Variants in GALNT17 observed in about 807,000 individuals in gnomAD.
GALNT17 encodes the protein UDP-GalNAc:polypeptide N-acetylgalactosaminyltransferase-like 3.
In GALNT17, 29 loss-of-function variants were observed where a neutral mutation model predicts 63.7. The ratio of observed to expected loss-of-function variants is 0.46; its 90% CI spans 0.34 to 0.62. The LOEUF (loss-of-function observed/expected upper bound fraction) is 0.62. Ranked by LOEUF, GALNT17 falls within the 20% of genes least tolerant of loss-of-function variation. The pLI, the probability that GALNT17 is intolerant of heterozygous loss-of-function variation, is 0.01. For missense variants in GALNT17, 603 were observed against 799.6 expected, an observed-to-expected ratio of 0.75 and a Z score of 2.97; for synonymous variants, 305 against 318.3, an observed-to-expected ratio of 0.96 and a Z score of 0.45.
chr7:71,704,783 C>A (rs1298445401), intron 9 of GALNT17, among the ~76,000 whole-genome samples: 1 of 152,068 alleles, frequency 6.6e-6, no homozygotes, highest in African/African-American at 2.4e-5. Flanking sequence ...ATAGTCTTTT[C>A]AGCAATGGTG....
chr7:71,691,874 TCTTTCCTTC>T (rs1791448469), intron 9 of GALNT17, among the ~76,000 whole-genome samples: 1 of 46,764 alleles, frequency 2.1e-5, no homozygotes. Context: ...TTCTTTCCTT[TCTTTCCTTC>T]CTTTCTTCCT....
chr7:71,423,400 T>C (rs1220669331), intron 5 of GALNT17, among the ~76,000 whole-genome samples: 2 of 152,290 alleles, frequency 1.3e-5, no homozygotes, highest in East Asian at 3.9e-4. Flanking sequence ...TATAGTTCAG[T>C]ACTTTATGTG....
chr7:71,168,816 G>C (rs1339272984), intron 1 of GALNT17, among the ~76,000 whole-genome samples: 1 of 151,854 alleles, frequency 6.6e-6, no homozygotes, highest in East Asian at 1.9e-4. Flanking sequence ...TGTTTTGATT[G>C]CTTTAGGTCC....
intron 5 of GALNT17, among the ~76,000 whole-genome samples, chr7:71,456,474 G>A (rs1787358587): frequency 1.3e-5 from 2 of 152,056 alleles, no homozygotes; most frequent in African/African-American, 4.8e-5. Flanking sequence ...CGAGGCGGGT[G>A]GGAGGCCTAG....
At chr7:71,223,150 G>A (rs1443872391) in intron 1 of GALNT17, among the ~76,000 whole-genome samples, 1 of 152,068 alleles carries the variant, frequency 6.6e-6, no homozygotes, top group Non-Finnish European at 1.5e-5. Context: ...TTCTTCTTAT[G>A]TAATTAATAT....
chr7:71,635,208 A>AG (rs1329962256), intron 6 of GALNT17, among the ~76,000 whole-genome samples: 8 of 149,300 alleles, frequency 5.4e-5, no homozygotes, highest in Admixed American at 5.3e-4. Context: ...CTCCGTCTCA[A>AG]AAAAAAAAAA....
intron 6 of GALNT17, among the ~76,000 whole-genome samples, chr7:71,587,482 C>T (rs1430924238): frequency 1.3e-5 from 2 of 151,986 alleles, no homozygotes; most frequent in Non-Finnish European, 2.9e-5. Context: ...TTGTTGATTT[C>T]CAGGGGTCTG....
intron 5 of GALNT17, among the ~76,000 whole-genome samples, chr7:71,458,583 C>T (rs530519945): frequency 1.2e-4 from 18 of 152,288 alleles, no homozygotes; most frequent in South Asian, 2.1e-4. Flanking sequence ...TGGGTTCTTG[C>T]CTGGTGTCCA....
intron 3 of GALNT17, among the ~76,000 whole-genome samples, chr7:71,412,690 C>T (rs557652948): frequency 6.6e-6 from 1 of 152,336 alleles, no homozygotes; most frequent in Non-Finnish European, 1.5e-5. Context: ...CCCCCTCAAC[C>T]TGTCCTCAGA....
At chr7:71,140,823 A>T (rs1787874651) in intron 1 of GALNT17, among the ~76,000 whole-genome samples, 1 of 148,912 alleles carries the variant, frequency 6.7e-6, no homozygotes, top group Non-Finnish European at 1.5e-5. Flanking sequence ...GGAGTTTGAG[A>T]CTAGCTTGGG....
chr7:71,313,394 G>T (rs1352996647), intron 1 of GALNT17, among the ~76,000 whole-genome samples: 1 of 152,116 alleles, frequency 6.6e-6, no homozygotes, highest in Non-Finnish European at 1.5e-5. Context: ...CTGAGTGTTG[G>T]CAATGACACT....
chr7:71,241,056 A>G (rs773389117), intron 1 of GALNT17, among the ~76,000 whole-genome samples: 3 of 152,058 alleles, frequency 2.0e-5, no homozygotes, highest in African/African-American at 7.3e-5. Flanking sequence ...GGGATCAGAT[A>G]GTTCTGTTGC....
At chr7:71,680,817 C>T (rs1208583290) in intron 9 of GALNT17, among the ~76,000 whole-genome samples, 1 of 145,514 alleles carries the variant, frequency 6.9e-6, no homozygotes, top group Non-Finnish European at 1.5e-5. Context: ...TTCTTCCTTC[C>T]TTCCTTCCCC....
chr7:71,168,301 C>T (rs1319159676), intron 1 of GALNT17, among the ~76,000 whole-genome samples: 2 of 152,054 alleles, frequency 1.3e-5, no homozygotes, highest in Non-Finnish European at 2.9e-5. Flanking sequence ...GGGCCGGGCG[C>T]GGTGGCTCAT....
intron 6 of GALNT17, among the ~76,000 whole-genome samples, chr7:71,609,726 T>C (rs993037775): frequency 1.3e-5 from 2 of 152,134 alleles, no homozygotes; most frequent in African/African-American, 4.8e-5. Flanking sequence ...GTATACTATA[T>C]GTATATAGTG....
At chr7:71,231,047 C>T (rs543064578) in intron 1 of GALNT17, among the ~76,000 whole-genome samples, 1 of 152,152 alleles carries the variant, frequency 6.6e-6, no homozygotes, top group East Asian at 1.9e-4. Flanking sequence ...ATATGACTAT[C>T]TCTGGGGAGG....
intron 5 of GALNT17, among the ~76,000 whole-genome samples, chr7:71,509,483 A>G (rs76590332): frequency 0.019 from 2,840 of 152,314 alleles, 90 homozygotes; most frequent in African/African-American, 0.065. Flanking sequence ...ATAATTTGCT[A>G]TCTCATTTAA....
intron 1 of GALNT17, among the ~76,000 whole-genome samples, chr7:71,276,584 A>G (rs544550881): frequency 1.0e-3 from 153 of 152,216 alleles, no homozygotes; most frequent in Non-Finnish European, 1.9e-3. Context: ...TTCCCTGCAC[A>G]TGTCCTCTTG....
chr7:71,469,488 T>C (rs1475706174), intron 5 of GALNT17, among the ~76,000 whole-genome samples: 2 of 152,128 alleles, frequency 1.3e-5, no homozygotes, highest in East Asian at 1.9e-4. Flanking sequence ...CGCAGCTGCA[T>C]TGTGGAAGTA....
Sources: gnomAD v4.1 joint callset for allele counts (sites outside exome capture counted in the v4.1 genomes callset) on GRCh38, gnomAD v4.1.1 for gene constraint, MANE v1.5 for transcripts, NCBI Gene and HGNC (gene_info 2026-07-23, HGNC 2026-07-21) for gene names.